The following MKX variants were observed in gnomAD, a reference collection of about 807,000 sequenced individuals.
MKX encodes homeobox protein Mohawk.
MKX carries 13 observed loss-of-function variants against 36.0 expected under a neutral mutation model. The observed-to-expected ratio is 0.36, with a 90% CI of 0.24 to 0.57. MKX has a LOEUF of 0.57. MKX is among the 20% of genes least tolerant of loss of function. The pLI is 0.79. For synonymous variants in MKX, 176 were observed against 178.3 expected (o/e 0.99, Z 0.10); for missense variants, 458 against 456.4 (o/e 1.00, Z -0.03).
intron 1 of MKX, among the ~76,000 whole-genome samples, chr10:27,743,865 G>A (rs1355391744): frequency 6.6e-6 from 1 of 152,208 alleles, no homozygotes; most frequent in Non-Finnish European, 1.5e-5. Flanking sequence ...CGCGACCGGC[G>A]TGAGGCCGCG....
At chr10:27,694,543 T>TATATATAA (rs1455278632) in intron 5 of MKX, among the ~76,000 whole-genome samples, 1 of 142,374 alleles carries the variant, frequency 7.0e-6, no homozygotes, top group East Asian at 2.0e-4. Context: ...TATATATATA[T>TATATATAA]AAATTAGCCG....
chr10:27,743,316 G>A lies in MKX; in HGVS notation c.100C>T (p.Leu34=). The change falls in exon 2 of 7, where the codon CTG becomes TTG. Residue 34 remains leucine, a synonymous_variant. Transcript: ENST00000419761. ...ERGGRPYSGV[L]DSPHARPEVG... is the part of the protein sequence containing the mutation. Reference sequence around the variant, plus strand: ...TCGGGGCGGGCGTGAGGACTGTCCAGGACACCGCTGTAGGGCCGGCCACCC... The same window carrying A: ...TCGGGGCGGGCGTGAGGACTGTCCAAGACACCGCTGTAGGGCCGGCCACCC... The A allele has an allele frequency of 6.3e-7, 1 of 1,585,508 alleles. No homozygotes were observed. The highest frequency in any genetic ancestry group is 8.6e-7 in the Non-Finnish European group (1 of 1,168,620).
intron 5 of MKX, among the ~76,000 whole-genome samples, chr10:27,701,476 G>T (rs2132526782): frequency 7.0e-6 from 1 of 143,242 alleles, no homozygotes; most frequent in East Asian, 2.0e-4. Context: ...ATATATAAAA[G>T]GTGTATAAAT....
chr10:27,682,095 T>TA (rs1836264281), intron 5 of MKX, among the ~76,000 whole-genome samples: 1 of 152,158 alleles, frequency 6.6e-6, no homozygotes, highest in Non-Finnish European at 1.5e-5. Flanking sequence ...TGATGAGCCT[T>TA]ACCCTGTGCA....
At position 27,673,308 on chromosome 10, in the gene MKX, A is replaced by G. The variant is rs575977760; in HGVS notation, c.*1921T>C. On this transcript the variant is annotated 3_prime_UTR_variant, in exon 7 of 7. Transcript: ENST00000419761. ...TTTAAAAAGATGGCAAACATGAATC[A>G]TGACTCATTCAAATAAAATACAACC... 6.5e-6 allele frequency: 1 copy of G among 152,724 alleles called. No individual in the cohort carries two copies. Among genetic ancestry groups the G allele is most frequent in the Admixed American group, 6.5e-5 (1 of 15,306 alleles). 9.5% of individuals were successfully genotyped at this position (152,724 alleles called of 1,614,324 possible).
In MKX at chr10:27,735,242, T is replaced by G. The variant is rs149049062; in HGVS notation, c.481A>C (p.Ser161Arg). The G allele has an allele frequency of 6.2e-7, 1 of 1,602,740 alleles. No individual in the cohort carries two copies. Among genetic ancestry groups the G allele is most frequent in the South Asian group, 1.1e-5 (1 of 88,632 alleles). The change falls in exon 4 of 7, where the codon AGT becomes CGT. Residue 161 changes from serine to arginine, a missense_variant. By Grantham distance (110) the Ser-to-Arg change is moderately radical. Coordinates refer to ENST00000419761, the MANE Select transcript of MKX (RefSeq NM_173576.3). Reference protein sequence around the residue: ...QGNAERLSVSSDDSCSEDGEN... With the variant: ...QGNAERLSVSRDDSCSEDGEN... ...AAACCTTCAGAACATGAGTCATCAC[T>G]GCTTACGCTAAGCCGTTCAGCATTG... is the stretch of plus-strand genomic sequence containing the variant.
At chr10:27,714,340 A>T (rs1455190368) in intron 5 of MKX, among the ~76,000 whole-genome samples, 1 of 152,244 alleles carries the variant, frequency 6.6e-6, no homozygotes, top group African/African-American at 2.4e-5. Context: ...ATTTAAAAAA[A>T]CCTTTGGCTT....
intron 3 of MKX, among the ~76,000 whole-genome samples, chr10:27,737,455 A>G (rs1259998473): frequency 6.6e-6 from 1 of 152,122 alleles, no homozygotes; most frequent in Non-Finnish European, 1.5e-5. Context: ...TGAATTTGCC[A>G]AAAACATGCT....
intron 5 of MKX, among the ~76,000 whole-genome samples, chr10:27,679,633 T>C (rs978547614): frequency 6.6e-6 from 1 of 152,198 alleles, no homozygotes; most frequent in African/African-American, 2.4e-5. Context: ...TGTGCTTTTT[T>C]AGGAAAGCAA....
chr10:27,676,270 T>C (rs1348162888), intron 5 of MKX, among the ~76,000 whole-genome samples: 1 of 130,060 alleles, frequency 7.7e-6, no homozygotes, highest in Non-Finnish European at 1.6e-5. Flanking sequence ...CAAGACCCTG[T>C]CTCTAAGAAA....
At position 27,744,343 on chromosome 10, in the gene MKX, G is replaced by A. The variant is rs1454609301; in HGVS notation, c.-82-846C>T. 6.6e-6 allele frequency among the ~76,000 whole-genome samples: 1 copy of A among 152,094 alleles called. No homozygotes were observed. The highest frequency in any genetic ancestry group is 2.4e-5 in the African/African-American group (1 of 41,408). On this transcript the variant is annotated intron_variant, in intron 1 of 6. Coordinates refer to ENST00000419761, the MANE Select transcript of MKX (RefSeq NM_173576.3). This position sits in a 1 kb window ranked among gnomAD's most constrained non-coding sequence, Gnocchi z 5.6. ...GCCCCTCGACACCCGCCTCTCTCTG[G>A]GGTCTCCGGGGACCCTTTCAGAGGC...
chr10:27,743,151 A>G (rs2132659129), intron 2 of MKX, 77 bp downstream of exon 2: 9 of 1,330,372 alleles, frequency 6.8e-6, no homozygotes, highest in South Asian at 2.0e-5. Context: ...CCGCGTTGCC[A>G]CGGGACCCCG....
chr10:27,735,781 C>A (rs1021149548), intron 3 of MKX, among the ~76,000 whole-genome samples: 10 of 152,036 alleles, frequency 6.6e-5, no homozygotes, highest in Non-Finnish European at 1.2e-4. Flanking sequence ...GTTAAGTGAG[C>A]CTTTGAAGAA....
chr10:27,696,117 C>T (rs988395058), intron 5 of MKX, among the ~76,000 whole-genome samples: 1 of 152,160 alleles, frequency 6.6e-6, no homozygotes, highest in Admixed American at 6.5e-5. Context: ...ACACTCTATT[C>T]CTCAAACGGT....
At chr10:27,725,775 A>G (rs1834475446) in intron 5 of MKX, among the ~76,000 whole-genome samples, 1 of 152,078 alleles carries the variant, frequency 6.6e-6, no homozygotes, top group African/African-American at 2.4e-5. Flanking sequence ...ATTCTTTTTA[A>G]TCTTAGGCCA....
At position 27,734,547 on chromosome 10, in the gene MKX, G is replaced by T. The variant is rs774956262; in HGVS notation, c.747C>A (p.Asn249Lys). 1 of 1,614,152 alleles carries T rather than the reference G, an allele frequency of 6.2e-7. No individual in the cohort carries two copies. Among genetic ancestry groups the T allele is most frequent in the Non-Finnish European group, 8.5e-7 (1 of 1,180,012 alleles). The change falls in exon 5 of 7, where the codon AAC (asparagine) becomes AAA (lysine). Residue 249 changes from asparagine to lysine, a missense_variant. Coordinates refer to ENST00000419761, the MANE Select transcript of MKX (RefSeq NM_173576.3). Reference sequence around the variant, plus strand: ...CATTGGAGCTAAAAGATCCCGAGTGGTTTCTTTGCCTTGTTTTTCCCATCA... The same window carrying T: ...CATTGGAGCTAAAAGATCCCGAGTGTTTTCTTTGCCTTGTTTTTCCCATCA... ...TTMMGKTRQRNHSGSFSSNEF... is the reference protein window; with the variant it reads ...TTMMGKTRQRKHSGSFSSNEF...
intron 5 of MKX, among the ~76,000 whole-genome samples, chr10:27,700,540 G>C (rs1400014747): frequency 1.3e-5 from 2 of 152,096 alleles, no homozygotes; most frequent in African/African-American, 2.4e-5. Flanking sequence ...CTGCTGAATA[G>C]AGCCTGTTCC....
intron 5 of MKX, among the ~76,000 whole-genome samples, chr10:27,721,218 C>A: frequency 6.6e-6 from 1 of 150,916 alleles, no homozygotes; most frequent in East Asian, 2.0e-4. Flanking sequence ...ACTTAAAGTT[C>A]TACTAGAACA....
At chr10:27,711,483 C>T (rs398046353) in intron 5 of MKX, among the ~76,000 whole-genome samples, 692 of 63,264 alleles carry the variant, frequency 0.011, 31 homozygotes, top group African/African-American at 0.038. Context: ...TTCTTTCTTT[C>T]TCTCTCTCTC....
Sources: gnomAD v4.1 joint callset for allele counts (sites outside exome capture counted in the v4.1 genomes callset) on GRCh38, gnomAD v4.1.1 for gene constraint, Gnocchi (gnomAD v3.1) non-coding constraint, MANE v1.5 for transcripts, NCBI Gene and HGNC (gene_info 2026-07-23, HGNC 2026-07-21) for gene names.